The following GAS2 variants were observed in gnomAD, a reference collection of about 807,000 sequenced individuals.
GAS2 encodes the protein growth arrest specific 2, also known as growth arrest-specific protein 2.
In GAS2, 20 loss-of-function variants were observed where a neutral mutation model predicts 37.5. The observed-to-expected ratio is 0.53, with a 90% CI of 0.37 to 0.77. The LOEUF (loss-of-function observed/expected upper bound fraction) is 0.77, where lower values mean the gene tolerates loss of function less well. Among genes scored for constraint, GAS2 ranks in the 30% least tolerant of loss-of-function variants. The pLI is 0.00. For missense variants in GAS2, 336 were observed against 373.4 expected, an observed-to-expected ratio of 0.90 and a Z score of 0.82; for synonymous variants, 144 against 132.2, an observed-to-expected ratio of 1.09 and a Z score of -0.61.
At chr11:22,798,222 GGCA>G (rs995373358) in intron 7 of GAS2, among the ~76,000 whole-genome samples, 3 of 151,870 alleles carry the variant, frequency 2.0e-5, no homozygotes, top group South Asian at 2.1e-4. Flanking sequence ...CATTATCAGT[GGCA>G]GCAGCAGCAG....
intron 3 of GAS2, among the ~76,000 whole-genome samples, chr11:22,713,874 C>T (rs1335935045): frequency 6.6e-6 from 1 of 152,052 alleles, no homozygotes; most frequent in Non-Finnish European, 1.5e-5. Context: ...TGAAACAAAA[C>T]CTTGAAATAC....
chr11:22,674,770 G>C (rs575671279), intron 1 of GAS2, 80 bp from the exon 2 acceptor site: 952 of 1,116,722 alleles, frequency 8.5e-4, no homozygotes, highest in Non-Finnish European at 1.1e-3. Flanking sequence ...CGCGGATCCA[G>C]TTCATTATAA....
At chr11:22,696,383 A>C (rs1438175878) in intron 3 of GAS2, among the ~76,000 whole-genome samples, 4 of 152,146 alleles carry the variant, frequency 2.6e-5, no homozygotes, top group African/African-American at 9.7e-5. Flanking sequence ...TGCTATTGTG[A>C]ATAGTGCCAC....
rs1044107192 is a variant in GAS2, at chr11:22,812,711, T to A, written c.*695T>A. ...GAGCACATGGCTGTGTTTAGAATGA[T>A]CTAGTGTAATTCATACATGAGCTGA... On this transcript the variant is annotated 3_prime_UTR_variant, in exon 8 of 8. Coordinates refer to ENST00000454584, the MANE Select transcript of GAS2 (RefSeq NM_001143830.3). 7 of 152,616 alleles carry A rather than the reference T, an allele frequency of 4.6e-5. No individual in the cohort carries two copies. The highest frequency in any genetic ancestry group is 2.6e-4 in the Admixed American group (4 of 15,268). 9.5% of individuals were successfully genotyped at this position (152,616 alleles called of 1,614,324 possible).
chr11:22,778,528 T>C (rs1855382486), intron 7 of GAS2, among the ~76,000 whole-genome samples: 1 of 152,194 alleles, frequency 6.6e-6, no homozygotes, highest in African/African-American at 2.4e-5. Context: ...GGAAGTGATA[T>C]TTGAAGTGAG....
chr11:22,714,866 G>C (rs935218918), intron 3 of GAS2, among the ~76,000 whole-genome samples: 3 of 152,164 alleles, frequency 2.0e-5, no homozygotes, highest in Non-Finnish European at 2.9e-5. Flanking sequence ...CAAAAGCAGT[G>C]CTAAGAGGAA....
intron 1 of GAS2, among the ~76,000 whole-genome samples, chr11:22,630,296 T>C (rs1858726655): frequency 6.6e-6 from 1 of 152,178 alleles, no homozygotes; most frequent in Admixed American, 6.5e-5. Context: ...GAACATGTGA[T>C]GTTTGGTTTT....
intron 7 of GAS2, among the ~76,000 whole-genome samples, chr11:22,767,257 T>G (rs1854742481): frequency 6.6e-6 from 1 of 152,116 alleles, no homozygotes; most frequent in Non-Finnish European, 1.5e-5. Flanking sequence ...AAAGTAATCC[T>G]GTTAGTGATT....
Position 22,709,775 on chromosome 11 carries a change from C to T in GAS2, c.268-16517C>T, listed in dbSNP as rs140540796. Reference sequence around the variant, plus strand: ...TGGAACCAATCCAAATGTCCAACAACGATAGACTGGATTAAGAAAATGTGG... The same window carrying T: ...TGGAACCAATCCAAATGTCCAACAATGATAGACTGGATTAAGAAAATGTGG... On this transcript the variant is annotated intron_variant, in intron 3 of 7. Transcript: ENST00000454584. Among the ~76,000 whole-genome samples, 649 of 152,104 alleles carry T rather than the reference C, an allele frequency of 4.3e-3. 2 individuals carry two copies. The highest frequency in any genetic ancestry group is 0.012 in the African/African-American group (517 of 41,482).
At chr11:22,632,556 C>T (rs997479655) in intron 1 of GAS2, among the ~76,000 whole-genome samples, 3 of 152,038 alleles carry the variant, frequency 2.0e-5, no homozygotes, top group Non-Finnish European at 4.4e-5. Flanking sequence ...ATGCATTTCC[C>T]AGGAGTTGTT....
chr11:22,715,253 A>G (rs540472853), intron 3 of GAS2, among the ~76,000 whole-genome samples: 1 of 152,150 alleles, frequency 6.6e-6, no homozygotes, highest in East Asian at 1.9e-4. Flanking sequence ...CCAGGTGAGG[A>G]GTTCAAGACC....
At chr11:22,700,241 A>G (rs2134019350) in intron 3 of GAS2, among the ~76,000 whole-genome samples, 1 of 152,304 alleles carries the variant, frequency 6.6e-6, no homozygotes, top group African/African-American at 2.4e-5. Flanking sequence ...ATGGTGTTGG[A>G]TGAATGAATA....
intron 3 of GAS2, among the ~76,000 whole-genome samples, chr11:22,699,543 TAC>T (rs965376810): frequency 2.0e-5 from 3 of 152,148 alleles, no homozygotes; most frequent in Admixed American, 1.3e-4. Context: ...GCAGCATAGA[TAC>T]ACAGTCATTT....
At chr11:22,766,694 G>T (rs1854715189) in intron 7 of GAS2, among the ~76,000 whole-genome samples, 1 of 152,040 alleles carries the variant, frequency 6.6e-6, no homozygotes, top group African/African-American at 2.4e-5. Context: ...AACAAAAATA[G>T]TTCAGTATAG....
In GAS2 at chr11:22,643,759, T is replaced by C. The variant is rs1848656407; in HGVS notation, c.-21+17946T>C. On this transcript the variant is annotated intron_variant, in intron 1 of 5. Coordinates refer to the GAS2 transcript ENST00000528582. ...CCTTTGAATAAGAAGTTGTATTTCA[T>C]ATAGAAGAGTTCTATAATAATGTCT... Among the ~76,000 whole-genome samples the C allele has an allele frequency of 2.0e-5, 3 of 152,206 alleles. No homozygotes were observed. The South Asian group carries it at 6.2e-4, about 31-fold the overall frequency.
At chr11:22,766,980 C>T (rs1469502633) in intron 7 of GAS2, among the ~76,000 whole-genome samples, 2 of 152,090 alleles carry the variant, frequency 1.3e-5, no homozygotes, top group South Asian at 2.1e-4. Flanking sequence ...AAACTGAAAA[C>T]GTTGGCATAG....
chr11:22,790,541 T>A (rs928290945), intron 7 of GAS2, among the ~76,000 whole-genome samples: 2 of 152,032 alleles, frequency 1.3e-5, no homozygotes, highest in Non-Finnish European at 2.9e-5. Flanking sequence ...CAAAACCTAT[T>A]GCCCTCAAAG....
intron 3 of GAS2, among the ~76,000 whole-genome samples, chr11:22,724,716 C>A (rs1565110900): frequency 6.6e-6 from 1 of 151,992 alleles, no homozygotes; most frequent in African/African-American, 2.4e-5. Flanking sequence ...TATGCAGAAA[C>A]TTTGATTATA....
intron 7 of GAS2, among the ~76,000 whole-genome samples, chr11:22,802,495 A>G (rs1856711426): frequency 6.6e-6 from 1 of 151,656 alleles, no homozygotes; most frequent in Admixed American, 6.6e-5. Context: ...GATTTTGGTC[A>G]CGGTCTTTTT....
Sources: allele counts gnomAD v4.1 joint callset (sites outside exome capture counted in the v4.1 genomes callset), GRCh38; gene constraint gnomAD v4.1.1; transcripts MANE v1.5; gene names NCBI Gene and HGNC (gene_info 2026-07-23, HGNC 2026-07-21).